Variants in SFT2D1 observed in about 807,000 individuals in gnomAD.
SFT2D1 encodes the protein SFT2 domain containing 1.
Under a neutral mutation model 28.1 loss-of-function variants are expected in SFT2D1, and 24 were observed. The observed-to-expected ratio is 0.85, with a 90% CI of 0.62 to 1.20. SFT2D1 has a LOEUF of 1.20. Ranked by LOEUF, SFT2D1 falls within the 50% of genes most tolerant of loss-of-function variation. The pLI is 0.00. For synonymous variants in SFT2D1, 82 were observed against 73.7 expected (o/e 1.11, Z -0.58); for missense variants, 181 against 190.9 (o/e 0.95, Z 0.31).
intron 6 of SFT2D1, chr6:166,323,702 A>C (rs561036104): frequency 6.6e-6 from 1 of 152,254 alleles, no homozygotes; most frequent in East Asian, 1.9e-4. Context: ...TGGGAAAGGC[A>C]GTGCAGGTGA....
intron 1 of SFT2D1, among the ~76,000 whole-genome samples, chr6:166,339,465 G>T (rs535665452): frequency 6.6e-6 from 1 of 151,788 alleles, no homozygotes; most frequent in Admixed American, 6.6e-5. Flanking sequence ...CATGTTCCCC[G>T]ACCCCACTGC....
chr6:166,328,453 T>A, intron 3 of SFT2D1, 96 bp from the exon 4 acceptor site: 1 of 678,522 alleles, frequency 1.5e-6, no homozygotes, highest in Non-Finnish European at 2.3e-6. Context: ...GCCCTGTTGC[T>A]TTATTTAATT....
At chr6:166,327,181 A>G (rs1778461104) in intron 4 of SFT2D1, among the ~76,000 whole-genome samples, 1 of 152,222 alleles carries the variant, frequency 6.6e-6, no homozygotes. Context: ...GCTAATGTTA[A>G]TAGTTATAAT....
intron 1 of SFT2D1, among the ~76,000 whole-genome samples, chr6:166,341,564 C>G (rs1314839485): frequency 6.6e-6 from 1 of 152,040 alleles, no homozygotes; most frequent in Non-Finnish European, 1.5e-5. Context: ...AAACTGTAGC[C>G]CAGAACTCTA....
At chr6:166,325,953 G>A (rs1778437164) in intron 5 of SFT2D1, 179 bp downstream of exon 5, 2 of 651,912 alleles carry the variant, frequency 3.1e-6, no homozygotes, top group Admixed American at 2.8e-5. Context: ...GTAGACAGTA[G>A]AATCTATGGC....
rs759228314 is a variant in SFT2D1 at position 166,328,304 on chromosome 6, G to C, written c.287C>G (p.Thr96Arg). The C allele has an allele frequency of 1.9e-6, 3 of 1,595,184 alleles. No individual in the cohort carries two copies. In the South Asian group the frequency reaches 3.5e-5, roughly 18 times the overall value. The change falls in exon 4 of 8, where the codon ACA (threonine) becomes AGA (arginine). Residue 96 changes from threonine to arginine, a missense_variant. Coordinates refer to ENST00000361731, the MANE Select transcript of SFT2D1 (RefSeq NM_145169.3). ...VKQLKKMFEA[T>R]RLLATIVMLL... Reference sequence around the variant, plus strand: ...CATAACAATTGTTGCAAGCAATCTTGTTGCTTCAAACATTTTCTTCAGTTG... The same window carrying C: ...CATAACAATTGTTGCAAGCAATCTTCTTGCTTCAAACATTTTCTTCAGTTG...
At chr6:166,339,040 G>A (rs995597559) in intron 1 of SFT2D1, among the ~76,000 whole-genome samples, 4 of 152,170 alleles carry the variant, frequency 2.6e-5, no homozygotes, top group African/African-American at 7.2e-5. Context: ...TCCTGGTTAC[G>A]TCTTGCTGCA....
chr6:166,342,069 C>G (rs116932852), intron 1 of SFT2D1, among the ~76,000 whole-genome samples: 1 of 152,302 alleles, frequency 6.6e-6, no homozygotes, highest in East Asian at 1.9e-4. Flanking sequence ...TAGCTACTTA[C>G]GCTGCACAGC....
chr6:166,336,789 T>C (rs193271128), intron 1 of SFT2D1, among the ~76,000 whole-genome samples: 2 of 152,332 alleles, frequency 1.3e-5, no homozygotes, highest in Admixed American at 6.5e-5. Context: ...AGACTGGTCT[T>C]GAACTCCTGG....
At chr6:166,340,598 G>A (rs1778758596) in intron 1 of SFT2D1, among the ~76,000 whole-genome samples, 1 of 152,182 alleles carries the variant, frequency 6.6e-6, no homozygotes, top group South Asian at 2.1e-4. Flanking sequence ...CATCCCAGCA[G>A]CTCTTCTGAG....
intron 3 of SFT2D1, among the ~76,000 whole-genome samples, chr6:166,328,596 G>C (rs529295195): frequency 1.3e-5 from 2 of 152,232 alleles, no homozygotes; most frequent in African/African-American, 4.8e-5. Context: ...TATGAAGACC[G>C]GACTAGGCTG....
chr6:166,337,117 T>C (rs1167307225), intron 1 of SFT2D1, among the ~76,000 whole-genome samples: 5 of 152,204 alleles, frequency 3.3e-5, no homozygotes, highest in African/African-American at 9.6e-5. Flanking sequence ...CCAGGCAGTG[T>C]AGCCCCTGGG....
At chr6:166,329,349 C>T (rs879192509) in intron 3 of SFT2D1, among the ~76,000 whole-genome samples, 158 bp downstream of exon 3, 3 of 152,224 alleles carry the variant, frequency 2.0e-5, no homozygotes, top group Admixed American at 2.0e-4. Flanking sequence ...AGACGGCATA[C>T]AGCAGCAGTC....
At chr6:166,321,851 A>G (rs897687119) in intron 7 of SFT2D1, among the ~76,000 whole-genome samples, 8 of 152,198 alleles carry the variant, frequency 5.3e-5, no homozygotes, top group Middle Eastern at 3.2e-3. Flanking sequence ...CTGACCAAAA[A>G]TAAGCATTTA....
At chr6:166,325,252 AG>A (rs558923593) in intron 5 of SFT2D1, among the ~76,000 whole-genome samples, 1 of 152,282 alleles carries the variant, frequency 6.6e-6, no homozygotes, top group South Asian at 2.1e-4. Flanking sequence ...ATATAACTAA[AG>A]TCCTGTCCTT....
At chr6:166,337,249 C>T (rs1204132991) in intron 1 of SFT2D1, among the ~76,000 whole-genome samples, 1 of 152,212 alleles carries the variant, frequency 6.6e-6, no homozygotes, top group African/African-American at 2.4e-5. Context: ...GACGGGACCC[C>T]CAGCTGGCAC....
chr6:166,327,006 G>A (rs1778457210), intron 4 of SFT2D1, among the ~76,000 whole-genome samples: 2 of 151,982 alleles, frequency 1.3e-5, no homozygotes, highest in Non-Finnish European at 1.5e-5. Flanking sequence ...CAAAATAATT[G>A]GAGATTATAA....
At chr6:166,342,380 G>A (rs1456896276) in intron 1 of SFT2D1, 39 bp downstream of exon 1, 4 of 1,528,754 alleles carry the variant, frequency 2.6e-6, no homozygotes, top group East Asian at 5.0e-5. Context: ...CGGGGCCAGC[G>A]GGCAGCCCCG....
chr6:166,342,519 GC>G lies in SFT2D1; in HGVS notation c.-39del. On this transcript the variant is annotated 5_prime_UTR_variant, in exon 1 of 8. Transcript: ENST00000361731. ...GGGCCGTAGCGGCCGCCACTCTGTTGCCTGCCCCTGACGCCCACCAGGAAAC... is the reference window on the plus strand; with the variant it reads ...GGGCCGTAGCGGCCGCCACTCTGTTGCTGCCCCTGACGCCCACCAGGAAAC... The G allele has an allele frequency of 6.6e-7, 1 of 1,512,842 alleles. No homozygotes were observed. Among genetic ancestry groups the G allele is most frequent in the Non-Finnish European group, 9.0e-7 (1 of 1,115,384 alleles). 93.7% of individuals were successfully genotyped at this position (1,512,842 alleles called of 1,614,324 possible). A position where few individuals can be genotyped will look rare whatever the true frequency, so the allele number is the denominator to read the frequency against.
Sources: gnomAD v4.1 joint callset for allele counts (sites outside exome capture counted in the v4.1 genomes callset) on GRCh38, gnomAD v4.1.1 for gene constraint, MANE v1.5 for transcripts, NCBI Gene and HGNC (gene_info 2026-07-23, HGNC 2026-07-21) for gene names.